The following MDM2 variants were observed in gnomAD, a reference collection of about 807,000 sequenced individuals.
The protein encoded by MDM2 is MDM2 proto-oncogene.
Under a neutral mutation model 64.3 loss-of-function variants are expected in MDM2, and 11 were observed. The ratio of observed to expected loss-of-function variants is 0.17; its 90% CI spans 0.11 to 0.28. The LOEUF (loss-of-function observed/expected upper bound fraction) is 0.28, where lower values mean the gene tolerates loss of function less well. MDM2 is among the 10% of genes least tolerant of loss of function. The pLI, the probability that MDM2 is intolerant of heterozygous loss-of-function variation, is 1.00. For missense variants in MDM2, 388 were observed against 577.1 expected, an observed-to-expected ratio of 0.67 and a Z score of 3.36; for synonymous variants, 194 against 192.9, an observed-to-expected ratio of 1.01 and a Z score of -0.05.
intron 3 of MDM2, among the ~76,000 whole-genome samples, chr12:68,814,940 T>C (rs537498131): frequency 6.6e-6 from 1 of 152,330 alleles, no homozygotes; most frequent in Admixed American, 6.5e-5. Context: ...CCATTTTTCT[T>C]TTTCCTCTCC....
At chr12:68,836,885 G>T in intron 10 of MDM2, 136 bp downstream of exon 10, 1 of 554,914 alleles carries the variant, frequency 1.8e-6, no homozygotes, top group Non-Finnish European at 3.1e-6. Context: ...ATAATTTAAA[G>T]CATTTTTCTT....
chr12:68,839,416 A>G lies in MDM2; in HGVS notation c.1061A>G (p.Glu354Gly), dbSNP rs1237701932. 1.9e-6 allele frequency: 3 copies of G among 1,613,822 alleles called. No homozygotes were observed. Among genetic ancestry groups the G allele is most frequent in the Admixed American group, 1.7e-5 (1 of 59,934 alleles). Residue 354 changes from glutamate to glycine, a missense_variant, in exon 11 of 11, where the codon GAA becomes GGA. Glu to Gly is a moderately conservative substitution (Grantham distance 98). Transcript: ENST00000258149. Reference sequence around the variant, plus strand: ...GAAATCTCTGAGAAAGCCAAACTGGAAAACTCAACACAAGCTGAAGAGGGC... The same window carrying G: ...GAAATCTCTGAGAAAGCCAAACTGGGAAACTCAACACAAGCTGAAGAGGGC... ...KGEISEKAKLENSTQAEEGFD... is the reference protein window; with the variant it reads ...KGEISEKAKLGNSTQAEEGFD...
intron 8 of MDM2, among the ~76,000 whole-genome samples, chr12:68,833,145 A>T (rs1206284074): frequency 0.04 from 4,110 of 102,272 alleles, 92 homozygotes; most frequent in African/African-American, 0.051. Flanking sequence ...AAAAAAAAAA[A>T]AAAAATATAT....
chr12:68,834,238 T>G (rs1028718020), intron 8 of MDM2, among the ~76,000 whole-genome samples: 2 of 152,040 alleles, frequency 1.3e-5, no homozygotes, highest in Non-Finnish European at 2.9e-5. Flanking sequence ...GGTCAGGATT[T>G]CGAGACCAGC....
At chr12:68,817,765 T>G (rs1165124474) in intron 4 of MDM2, among the ~76,000 whole-genome samples, 1 of 151,944 alleles carries the variant, frequency 6.6e-6, no homozygotes, top group Non-Finnish European at 1.5e-5. Context: ...AAAAAAAATT[T>G]TTTTAATATA....
chr12:68,815,074 T>A (rs1323629525), intron 3 of MDM2, among the ~76,000 whole-genome samples: 3 of 152,212 alleles, frequency 2.0e-5, no homozygotes, highest in African/African-American at 7.2e-5. Flanking sequence ...GAATATTCCT[T>A]TAAGGCCGAT....
intron 7 of MDM2, 86 bp from the exon 8 acceptor site, chr12:68,828,685 T>TA: frequency 8.4e-7 from 1 of 1,188,036 alleles, no homozygotes; most frequent in Non-Finnish European, 1.2e-6. Context: ...TTATTGAAAC[T>TA]AAGTTTCTGT....
chr12:68,837,015 G>A (rs1238264909), intron 10 of MDM2, among the ~76,000 whole-genome samples: 1 of 149,442 alleles, frequency 6.7e-6, no homozygotes, highest in Admixed American at 6.7e-5. Context: ...GTGCAGTGGT[G>A]CAATCTCAGT....
Position 68,839,396 on chromosome 12 carries a change from C to G in MDM2, c.1041C>G (p.Ile347Met). Residue 347 changes from isoleucine (I) to methionine (M), a missense_variant, in exon 11 of 11, where the codon ATC becomes ATG. Coordinates refer to ENST00000258149, the MANE Select transcript of MDM2 (RefSeq NM_002392.6). ...ATAAAGGGAAAGATAAAGGGGAAAT[C>G]TCTGAGAAAGCCAAACTGGAAAACT... ...PEDKGKDKGE[I>M]SEKAKLENST... 6.2e-7 allele frequency: 1 copy of G among 1,613,824 alleles called. No individual in the cohort carries two copies. Among genetic ancestry groups the G allele is most frequent in the Non-Finnish European group, 8.5e-7 (1 of 1,179,998 alleles).
chr12:68,838,073 T>C (rs1458721281), intron 10 of MDM2, among the ~76,000 whole-genome samples: 1 of 152,252 alleles, frequency 6.6e-6, no homozygotes, highest in African/African-American at 2.4e-5. Context: ...GACTTTTTGA[T>C]GCACTTTTAC....
At position 68,835,811 on chromosome 12, in the gene MDM2, ATTTT is replaced by A; in HGVS notation, c.685-14_685-11del. The A allele has an allele frequency of 6.2e-7, 1 of 1,607,506 alleles. No individual in the cohort carries two copies. Among genetic ancestry groups the A allele is most frequent in the Non-Finnish European group, 8.5e-7 (1 of 1,177,018 alleles). On this transcript the variant is annotated splice_polypyrimidine_tract_variant and intron_variant, in intron 8 of 10. Coordinates refer to ENST00000258149, the MANE Select transcript of MDM2 (RefSeq NM_002392.6). ...AGAGGTGATGTTTATTAAGTTATAT[ATTTT>A]TTTCTTGTTTTAGGATCTTGATGCT...
At chr12:68,831,750 G>T (rs1347640384) in intron 8 of MDM2, among the ~76,000 whole-genome samples, 1 of 151,956 alleles carries the variant, frequency 6.6e-6, no homozygotes, top group Non-Finnish European at 1.5e-5. Context: ...GTCCTGTCCT[G>T]CATTCTCTTA....
At chr12:68,809,399 A>G in intron 2 of MDM2, 107 bp downstream of exon 2, 1 of 1,021,672 alleles carries the variant, frequency 9.8e-7, no homozygotes, top group Non-Finnish European at 1.5e-6. Flanking sequence ...ATAAAATTGT[A>G]TGTGCATAGC....
chr12:68,828,267 CCT>C (rs2136147374), intron 7 of MDM2: 1 of 152,266 alleles, frequency 6.6e-6, no homozygotes, highest in Admixed American at 6.5e-5. Flanking sequence ...GAAAAAAATT[CCT>C]AGATTTTTTG....
intron 9 of MDM2, chr12:68,836,460 A>C: frequency 2.3e-6 from 1 of 439,322 alleles, no homozygotes; most frequent in Non-Finnish European, 4.1e-6. Context: ...TATTCATCCT[A>C]AACATCCTTT....
At chr12:68,831,775 TA>T (rs34464691) in intron 8 of MDM2, among the ~76,000 whole-genome samples, 2,782 of 152,096 alleles carry the variant, frequency 0.018, 88 homozygotes, top group African/African-American at 0.063. Context: ...ATCCTATCTA[TA>T]AAAAATCTCA....
chr12:68,824,746 T>A lies in MDM2; in HGVS notation c.523+95T>A, dbSNP rs1310084465. On this transcript the variant is annotated intron_variant, in intron 7 of 10. Transcript: ENST00000258149. Reference sequence around the variant, plus strand: ...TTTTAGACTTAATTAAATTGTTCCCTTTTTTTGGTTGAGATGAATTAACCT... The same window carrying A: ...TTTTAGACTTAATTAAATTGTTCCCATTTTTTGGTTGAGATGAATTAACCT... 10 of 791,328 alleles carry A rather than the reference T, an allele frequency of 1.3e-5. No individual in the cohort carries two copies. The East Asian group carries it at 2.7e-4, about 22-fold the overall frequency. The allele number at this position is 791,328 out of a possible 1,614,324, so 49.0% of individuals were successfully genotyped here. A position where few individuals can be genotyped will look rare whatever the true frequency, so the allele number is the denominator to read the frequency against.
At chr12:68,847,187 G>A (rs1241660726), downstream of MDM2, 1 of 60,910 alleles carries the variant, frequency 1.6e-5, no homozygotes, top group Non-Finnish European at 3.3e-5. Context: ...GTATGTATGT[G>A]TGTGTACATT....
intron 9 of MDM2, 23 bp from the exon 10 acceptor site, chr12:68,836,648 AT>A: frequency 6.6e-7 from 1 of 1,514,466 alleles, no homozygotes; most frequent in Non-Finnish European, 9.2e-7. Flanking sequence ...CGATGAATTG[AT>A]GCTAATGAAT....
Sources: gnomAD v4.1 joint callset for allele counts (sites outside exome capture counted in the v4.1 genomes callset) on GRCh38, gnomAD v4.1.1 for gene constraint, MANE v1.5 for transcripts, NCBI Gene and HGNC (gene_info 2026-07-23, HGNC 2026-07-21) for gene names.